The following GSG1L variants were observed in gnomAD, a reference collection of about 807,000 sequenced individuals.
GSG1L encodes the protein germ cell-specific gene 1-like protein.
GSG1L carries 24 observed loss-of-function variants against 42.1 expected under a neutral mutation model. That is an observed-to-expected ratio of 0.57 (90% CI 0.41 to 0.80). GSG1L has a LOEUF of 0.80. Ranked by LOEUF, GSG1L falls within the 30% of genes least tolerant of loss-of-function variation. GSG1L has a pLI of 0.00. For missense variants in GSG1L, 445 were observed against 472.2 expected (o/e 0.94, Z 0.53); for synonymous variants, 215 against 203.5 (o/e 1.06, Z -0.48).
intron 1 of GSG1L, among the ~76,000 whole-genome samples, chr16:28,018,992 G>T (rs544509154): frequency 2.6e-5 from 4 of 152,144 alleles, no homozygotes; most frequent in Non-Finnish European, 5.9e-5. Context: ...TGGAACTCTG[G>T]TGTGAAATGG....
intron 1 of GSG1L, among the ~76,000 whole-genome samples, chr16:28,056,419 A>G (rs1053610338): frequency 1.8e-4 from 26 of 141,186 alleles, no homozygotes; most frequent in Non-Finnish European, 3.2e-4. Context: ...GGAATTGAAC[A>G]ATGAGAACAC....
At chr16:28,001,851 C>T (rs1177355558) in intron 1 of GSG1L, among the ~76,000 whole-genome samples, 3 of 152,212 alleles carry the variant, frequency 2.0e-5, no homozygotes, top group Non-Finnish European at 4.4e-5. Flanking sequence ...AGCCTGGCAG[C>T]CTGGTCTCCA....
At chr16:27,905,899 G>C (rs11645477) in intron 2 of GSG1L, among the ~76,000 whole-genome samples, 12,812 of 151,978 alleles carry the variant, frequency 0.084, 651 homozygotes, top group Admixed American at 0.13. Context: ...TGACCAAAAG[G>C]ATCCTGGCTT....
intron 1 of GSG1L, among the ~76,000 whole-genome samples, chr16:28,021,741 CT>C (rs573786709): frequency 5.9e-5 from 9 of 152,032 alleles, no homozygotes; most frequent in Non-Finnish European, 8.8e-5. Context: ...CTTTCTAACC[CT>C]TTTTTTTCCT....
At chr16:27,848,743 G>A (rs2083470663) in intron 3 of GSG1L, among the ~76,000 whole-genome samples, 2 of 151,908 alleles carry the variant, frequency 1.3e-5, no homozygotes, top group African/African-American at 2.4e-5. Context: ...GGTGGTTAGG[G>A]AGAGCATCTC....
At chr16:27,820,251 C>T (rs1048179044) in intron 5 of GSG1L, among the ~76,000 whole-genome samples, 3 of 152,104 alleles carry the variant, frequency 2.0e-5, no homozygotes, top group Non-Finnish European at 2.9e-5. Flanking sequence ...AATATGGGGG[C>T]CCTCGGCCAC....
intron 1 of GSG1L, among the ~76,000 whole-genome samples, chr16:27,976,681 G>A (rs974449766): frequency 3.9e-5 from 6 of 152,180 alleles, no homozygotes; most frequent in East Asian, 1.9e-4. Flanking sequence ...ACTTAAGATC[G>A]GGAGGTCACC....
At chr16:28,039,229 G>C (rs949854042) in intron 1 of GSG1L, among the ~76,000 whole-genome samples, 3 of 152,172 alleles carry the variant, frequency 2.0e-5, no homozygotes, top group African/African-American at 7.2e-5. Context: ...GGGAAGGAAG[G>C]GGGCAGTGCT....
At chr16:27,801,756 A>T (rs1383185309) in intron 6 of GSG1L, among the ~76,000 whole-genome samples, 29 of 152,132 alleles carry the variant, frequency 1.9e-4, no homozygotes, top group Admixed American at 1.7e-3. Flanking sequence ...GTGGGTGATG[A>T]GGTCAGACCG....
At chr16:27,887,372 G>C (rs1448981270) in intron 2 of GSG1L, among the ~76,000 whole-genome samples, 2 of 152,214 alleles carry the variant, frequency 1.3e-5, no homozygotes, top group Non-Finnish European at 2.9e-5. Flanking sequence ...GAGAGGCAGA[G>C]CCAAGAGATG....
rs2141144515 is a variant in GSG1L at position 28,001,639 on chromosome 16, C to G, written c.350-38436G>C. ...GAGGCCCTCTCCCAGGTCAAAGCCTCTGATCTTGGGGGATGTGAATCATAG... is the reference window on the plus strand; with the variant it reads ...GAGGCCCTCTCCCAGGTCAAAGCCTGTGATCTTGGGGGATGTGAATCATAG... On this transcript the variant is annotated intron_variant, in intron 1 of 6. Transcript: ENST00000447459. Among the ~76,000 whole-genome samples, 5 of 152,342 alleles carry G rather than the reference C, an allele frequency of 3.3e-5. No individual in the cohort carries two copies. The Middle Eastern group carries it at 0.017, about 518-fold the overall frequency.
At chr16:27,921,417 A>G (rs1195573991) in intron 2 of GSG1L, among the ~76,000 whole-genome samples, 1 of 152,124 alleles carries the variant, frequency 6.6e-6, no homozygotes, top group Non-Finnish European at 1.5e-5. Flanking sequence ...TTTGAATGTC[A>G]TTCTTACTAC....
At chr16:27,841,914 G>T (rs2083385450) in intron 4 of GSG1L, among the ~76,000 whole-genome samples, 1 of 152,172 alleles carries the variant, frequency 6.6e-6, no homozygotes, top group Non-Finnish European at 1.5e-5. Context: ...TGGAAAGGGG[G>T]ACTCATGGGG....
intron 1 of GSG1L, among the ~76,000 whole-genome samples, chr16:27,986,480 T>C (rs1338034440): frequency 7.0e-6 from 1 of 143,084 alleles, no homozygotes; most frequent in Non-Finnish European, 1.5e-5. Flanking sequence ...CACTCCAGCC[T>C]GAGCGACCGA....
At chr16:27,849,197 C>CCCCCAA (rs749482143) in intron 3 of GSG1L, among the ~76,000 whole-genome samples, 6 of 113,628 alleles carry the variant, frequency 5.3e-5, no homozygotes, top group Non-Finnish European at 5.6e-5. Flanking sequence ...GCCTCTATCC[C>CCCCCAA]AAAAAGAAAA....
chr16:28,009,529 G>C (rs549547860), intron 1 of GSG1L, among the ~76,000 whole-genome samples: 2 of 152,150 alleles, frequency 1.3e-5, no homozygotes. Context: ...ACTGATTACC[G>C]AGTATCTGGT....
At chr16:27,957,724 T>A (rs2085022367) in intron 2 of GSG1L, among the ~76,000 whole-genome samples, 1 of 152,222 alleles carries the variant, frequency 6.6e-6, no homozygotes, top group South Asian at 2.1e-4. Context: ...TGCACTGCTA[T>A]AAATACCTGA....
At chr16:28,039,327 A>G (rs994397322) in intron 1 of GSG1L, among the ~76,000 whole-genome samples, 14 of 152,138 alleles carry the variant, frequency 9.2e-5, no homozygotes, top group African/African-American at 3.4e-4. Context: ...ACCAGGAGCA[A>G]TTTTGCCTCC....
At chr16:27,842,584 A>T (rs73519008) in intron 4 of GSG1L, among the ~76,000 whole-genome samples, 4,927 of 151,820 alleles carry the variant, frequency 0.032, 286 homozygotes, top group African/African-American at 0.11. Context: ...TCAAGGTCTC[A>T]GGAAGGAACA....
Sources: allele counts gnomAD v4.1 joint callset (sites outside exome capture counted in the v4.1 genomes callset), GRCh38; gene constraint gnomAD v4.1.1; transcripts MANE v1.5; gene names NCBI Gene and HGNC (gene_info 2026-07-23, HGNC 2026-07-21).